The following SERINC5 variants were observed in gnomAD, a reference collection of about 807,000 sequenced individuals.
SERINC5 encodes serine incorporator 5.
Under a neutral mutation model 63.1 loss-of-function variants are expected in SERINC5, and 41 were observed. The observed-to-expected ratio is 0.65, with a 90% CI of 0.51 to 0.84. The LOEUF is 0.84. Among genes scored for constraint, SERINC5 ranks in the 40% least tolerant of loss-of-function variants. SERINC5 has a pLI of 0.00. For missense variants in SERINC5, 523 were observed against 573.0 expected, an observed-to-expected ratio of 0.91 and a Z score of 0.89; for synonymous variants, 222 against 215.2, an observed-to-expected ratio of 1.03 and a Z score of -0.28.
chr5:80,222,381 C>T (rs16877613), intron 1 of SERINC5, among the ~76,000 whole-genome samples: 20,503 of 152,004 alleles, frequency 0.13, 1,667 homozygotes, highest in East Asian at 0.37. Flanking sequence ...TATTACCTCA[C>T]ATCATCACGG....
chr5:80,152,988 C>A (rs1374464009), intron 8 of SERINC5, among the ~76,000 whole-genome samples: 1 of 152,152 alleles, frequency 6.6e-6, no homozygotes, highest in Non-Finnish European at 1.5e-5. Flanking sequence ...TCTATAAATT[C>A]TTTGGGTTAA....
intron 1 of SERINC5, among the ~76,000 whole-genome samples, chr5:80,223,984 T>C (rs566106989): frequency 6.8e-6 from 1 of 148,122 alleles, no homozygotes; most frequent in Non-Finnish European, 1.5e-5. Flanking sequence ...AAAAAAAAAA[T>C]TAACTGGGCG....
intron 2 of SERINC5, among the ~76,000 whole-genome samples, chr5:80,179,982 C>G (rs1208215612): frequency 6.6e-6 from 1 of 152,166 alleles, no homozygotes; most frequent in African/African-American, 2.4e-5. Context: ...TTCCTTATTA[C>G]TAGTGAGATT....
chr5:80,228,153 G>A (rs779565972), intron 1 of SERINC5, among the ~76,000 whole-genome samples: 1 of 149,504 alleles, frequency 6.7e-6, no homozygotes, highest in Non-Finnish European at 1.5e-5. Flanking sequence ...GATCACCAGA[G>A]CCTGTGAGGT....
At chr5:80,221,609 T>G (rs1392561878) in intron 1 of SERINC5, among the ~76,000 whole-genome samples, 1 of 152,174 alleles carries the variant, frequency 6.6e-6, no homozygotes. Flanking sequence ...AGGTTTAACA[T>G]TAAGCACGAA....
rs201735966 is a variant in SERINC5 at position 80,175,319 on chromosome 5, TC to T, written c.458-273del. 4.9e-3 allele frequency among the ~76,000 whole-genome samples: 750 copies of T among 152,308 alleles called. 6 individuals carry two copies. The highest frequency in any genetic ancestry group is 0.017 in the African/African-American group (720 of 41,556). On this transcript the variant is annotated intron_variant, in intron 4 of 11. Transcript: ENST00000507668. Reference sequence around the variant, plus strand: ...GACCCTGAAATATCCAAGCTTATCCTCCACACTACATCTGCCAGGTACCCTA... The same window carrying T: ...GACCCTGAAATATCCAAGCTTATCCTCACACTACATCTGCCAGGTACCCTA...
Position 80,140,329 on chromosome 5 carries a change from A to C in SERINC5, c.*3334T>G. 1 of 880,568 alleles carries C rather than the reference A, an allele frequency of 1.1e-6. No homozygotes were observed. The highest frequency in any genetic ancestry group is 1.3e-6 in the Non-Finnish European group (1 of 743,424). 54.5% of individuals were successfully genotyped at this position (880,568 alleles called of 1,614,324 possible). On this transcript the variant is annotated 3_prime_UTR_variant, in exon 12 of 12. Coordinates refer to ENST00000507668, the MANE Select transcript of SERINC5 (RefSeq NM_001174072.3). ...CCAAAAAAAAAAAAAAAAAAAAAAA[A>C]AAAGGCTTAGGGTGACAATTTTGAC...
intron 1 of SERINC5, among the ~76,000 whole-genome samples, chr5:80,238,929 C>T (rs1267300723): frequency 1.3e-5 from 2 of 152,170 alleles, no homozygotes; most frequent in South Asian, 2.1e-4. Flanking sequence ...CCAACATCCA[C>T]TCATTCACGC....
At chr5:80,161,295 T>C (rs1341040908) in intron 7 of SERINC5, among the ~76,000 whole-genome samples, 1 of 152,184 alleles carries the variant, frequency 6.6e-6, no homozygotes, top group Non-Finnish European at 1.5e-5. Context: ...ATAGAAGCTA[T>C]GCTAATTTAC....
At chr5:80,187,513 A>G (rs1748887244) in intron 2 of SERINC5, among the ~76,000 whole-genome samples, 1 of 152,176 alleles carries the variant, frequency 6.6e-6, no homozygotes, top group Non-Finnish European at 1.5e-5. Flanking sequence ...AATGGGAAAC[A>G]CTAAAATCAG....
intron 1 of SERINC5, among the ~76,000 whole-genome samples, chr5:80,238,772 G>T (rs1751820946): frequency 7.7e-6 from 1 of 129,156 alleles, no homozygotes. Context: ...CTGAGCCACA[G>T]AGCAAGACTT....
rs1745398801 is a variant in SERINC5, at chr5:80,139,931, G to A, written c.*3732C>T. On this transcript the variant is annotated 3_prime_UTR_variant, in exon 12 of 12. Transcript: ENST00000507668. ...GATACTATTTGGAAAGGCAATAAAG[G>A]GAGTGTAAAAGCCTAGGTAGCTTAA... is the stretch of plus-strand genomic sequence containing the variant. 6 of 985,256 alleles carry A rather than the reference G, an allele frequency of 6.1e-6. No homozygotes were observed. Among genetic ancestry groups the A allele is most frequent in the Non-Finnish European group, 7.2e-6 (6 of 829,924 alleles). 61.0% of individuals were successfully genotyped at this position (985,256 alleles called of 1,614,324 possible).
intron 5 of SERINC5, among the ~76,000 whole-genome samples, chr5:80,172,922 T>C (rs1346319352): frequency 6.6e-6 from 1 of 152,190 alleles, no homozygotes; most frequent in African/African-American, 2.4e-5. Context: ...ACCCTAACCT[T>C]TCCCCTGAAT....
chr5:80,151,022 T>A (rs1473357770), intron 8 of SERINC5, 74 bp from the exon 9 acceptor site: 1 of 1,097,494 alleles, frequency 9.1e-7, no homozygotes, highest in African/African-American at 1.5e-5. Context: ...GAAAGCCGGC[T>A]GGCCAGTGCT....
At chr5:80,125,872 AAAAAG>A (rs1457842623) in intron 11 of SERINC5, among the ~76,000 whole-genome samples, 5 of 152,194 alleles carry the variant, frequency 3.3e-5, no homozygotes, top group African/African-American at 1.2e-4. Context: ...TTATTAGTTG[AAAAAG>A]AAAAGCAAGA....
intron 8 of SERINC5, among the ~76,000 whole-genome samples, chr5:80,156,077 G>C (rs1253188067): frequency 1.3e-5 from 2 of 152,144 alleles, no homozygotes; most frequent in South Asian, 2.1e-4. Flanking sequence ...AGGAGCTAGG[G>C]AGATTTCCAG....
rs1263188371 is a variant in SERINC5, at chr5:80,251,279, AATACATACATGCATACATACATACATAC to A, written c.27+4589_27+4616del. Among the ~76,000 whole-genome samples, 331 of 133,880 alleles carry A rather than the reference AATACATACATGCATACATACATACATAC, an allele frequency of 2.5e-3. 1 individual carries two copies. The highest frequency in any genetic ancestry group is 9.1e-3 in the African/African-American group (319 of 34,900). The allele number at this position is 133,880 out of a possible 152,430, so 87.8% of individuals were successfully genotyped here. A position where few individuals can be genotyped will look rare whatever the true frequency, so the allele number is the denominator to read the frequency against. On this transcript the variant is annotated intron_variant, in intron 1 of 11. Transcript: ENST00000507668. Reference sequence around the variant, plus strand: ...GGGCAAGAGCTAGATCCCATCTTTAAATACATACATGCATACATACATACATACATACATACATACATACATACATACA... The same window carrying A: ...GGGCAAGAGCTAGATCCCATCTTTAAATACATACATACATACATACATACA...
rs1330331719 is a variant in SERINC5 at position 80,140,728 on chromosome 5, C to G, written c.*2935G>C. The G allele has an allele frequency of 2.0e-6, 2 of 984,670 alleles. No individual in the cohort carries two copies. The highest frequency in any genetic ancestry group is 1.8e-5 in the African/African-American group (1 of 57,136). 61.0% of individuals were successfully genotyped at this position (984,670 alleles called of 1,614,324 possible). A position where few individuals can be genotyped will look rare whatever the true frequency, so the allele number is the denominator to read the frequency against. ...TATGACACTCCCATAAGAACCCCCA[C>G]CCCCCTGCCACCCACTTAGTGTTTT... On this transcript the variant is annotated 3_prime_UTR_variant, in exon 12 of 12. Transcript: ENST00000507668.
chr5:80,176,728 C>T (rs374227208), intron 4 of SERINC5, among the ~76,000 whole-genome samples: 95 of 152,256 alleles, frequency 6.2e-4, no homozygotes, highest in African/African-American at 2.2e-3. Context: ...TGAGCTACCA[C>T]GCCTGGCCTA....
Sources: allele counts gnomAD v4.1 joint callset (sites outside exome capture counted in the v4.1 genomes callset), GRCh38; gene constraint gnomAD v4.1.1; transcripts MANE v1.5; gene names NCBI Gene and HGNC (gene_info 2026-07-23, HGNC 2026-07-21).